BMPR1B: variants seen among roughly 807,000 people sequenced by gnomAD.
BMPR1B encodes the protein bone morphogenetic protein receptor type-1B.
A neutral mutation model predicts 59.1 loss-of-function variants in BMPR1B; 12 were observed. The observed-to-expected ratio is 0.20, with a 90% CI of 0.13 to 0.33. The LOEUF (loss-of-function observed/expected upper bound fraction) is 0.33. Among genes scored for constraint, BMPR1B ranks in the 10% least tolerant of loss-of-function variants. BMPR1B has a pLI of 1.00. For missense variants in BMPR1B, 550 were observed against 610.9 expected (o/e 0.90, Z 1.05); for synonymous variants, 237 against 207.3 (o/e 1.14, Z -1.23).
chr4:95,158,230 T>G lies in BMPR1B; in HGVS notation c.*3557T>G, dbSNP rs889291860. Reference sequence around the variant, plus strand: ...ACAAAACAAAAAAACAATGCCATATTTTTTGGAGAAAAGTTGGCAATATAG... The same window carrying G: ...ACAAAACAAAAAAACAATGCCATATGTTTTGGAGAAAAGTTGGCAATATAG... On this transcript the variant is annotated 3_prime_UTR_variant, in exon 13 of 13. Coordinates refer to ENST00000515059, the MANE Select transcript of BMPR1B (RefSeq NM_001203.3). 1 of 152,196 alleles carries G rather than the reference T, an allele frequency of 6.6e-6. No homozygotes were observed. Among genetic ancestry groups the G allele is most frequent in the Admixed American group, 6.5e-5 (1 of 15,282 alleles). 9.4% of individuals were successfully genotyped at this position (152,196 alleles called of 1,614,324 possible). A position where few individuals can be genotyped will look rare whatever the true frequency, so the allele number is the denominator to read the frequency against.
intron 1 of BMPR1B, among the ~76,000 whole-genome samples, chr4:94,850,852 T>G (rs6854743): frequency 6.6e-6 from 1 of 151,684 alleles, no homozygotes; most frequent in African/African-American, 2.4e-5. Flanking sequence ...GGGTTCTTTT[T>G]GTTTCCTCTT....
At chr4:95,022,261 T>C (rs766265368) in intron 3 of BMPR1B, among the ~76,000 whole-genome samples, 4 of 152,166 alleles carry the variant, frequency 2.6e-5, no homozygotes, top group Non-Finnish European at 5.9e-5. Flanking sequence ...ATATGAAAAC[T>C]CCCCATTTAG....
At chr4:94,949,345 T>C (rs1729842047) in intron 2 of BMPR1B, among the ~76,000 whole-genome samples, 1 of 49,684 alleles carries the variant, frequency 2.0e-5, no homozygotes, top group African/African-American at 1.0e-4. Flanking sequence ...AGTCTCGCTC[T>C]GTCGCCCAGG....
At chr4:94,952,211 T>A (rs1039452804) in intron 2 of BMPR1B, among the ~76,000 whole-genome samples, 3 of 152,210 alleles carry the variant, frequency 2.0e-5, no homozygotes, top group Non-Finnish European at 4.4e-5. Flanking sequence ...AAACACCAGC[T>A]CCTGGATTCA....
At chr4:94,985,508 G>GCT (rs973402280) in intron 2 of BMPR1B, among the ~76,000 whole-genome samples, 1 of 118,600 alleles carries the variant, frequency 8.4e-6, no homozygotes, top group South Asian at 3.0e-4. Context: ...CAAAATAAGA[G>GCT]CTGTGTGTGT....
At chr4:94,950,376 C>T (rs1457447612) in intron 2 of BMPR1B, among the ~76,000 whole-genome samples, 5 of 152,044 alleles carry the variant, frequency 3.3e-5, no homozygotes, top group Admixed American at 6.5e-5. Context: ...TGCCTATGTC[C>T]TGAATGGTAT....
chr4:94,882,814 A>C (rs957825974), intron 2 of BMPR1B, among the ~76,000 whole-genome samples: 6 of 152,138 alleles, frequency 3.9e-5, no homozygotes, highest in Admixed American at 1.3e-4. Context: ...CATGGTTTCA[A>C]ATGTGGGAAT....
chr4:95,086,828 G>A (rs188714107), intron 3 of BMPR1B, among the ~76,000 whole-genome samples: 3 of 152,216 alleles, frequency 2.0e-5, no homozygotes, highest in Admixed American at 2.0e-4. Flanking sequence ...ACACCTGTGT[G>A]TTCTCTTTGC....
chr4:94,873,830 C>T (rs1180792246), intron 1 of BMPR1B, among the ~76,000 whole-genome samples: 1 of 152,206 alleles, frequency 6.6e-6, no homozygotes, highest in Non-Finnish European at 1.5e-5. Context: ...TGCAGTTCAG[C>T]TGTGTTAAGT....
intron 3 of BMPR1B, among the ~76,000 whole-genome samples, chr4:95,034,277 T>C (rs1725074329): frequency 6.6e-6 from 1 of 152,120 alleles, no homozygotes; most frequent in African/African-American, 2.4e-5. Context: ...ATTGGATACA[T>C]GAGATATTTA....
intron 3 of BMPR1B, among the ~76,000 whole-genome samples, chr4:95,066,723 A>G (rs973374344): frequency 6.6e-6 from 1 of 152,184 alleles, no homozygotes; most frequent in Non-Finnish European, 1.5e-5. Context: ...TATAAAAGCA[A>G]ATTATTGGGT....
chr4:95,074,087 C>G lies in BMPR1B; in HGVS notation c.-17-30321C>G, dbSNP rs182913509. ...GACTTTAATTTTGCATTGACTTTTG[C>G]CTTGGTAAGTGTTTTTTTTTTACTG... On this transcript the variant is annotated intron_variant, in intron 3 of 12. Coordinates refer to ENST00000515059, the MANE Select transcript of BMPR1B (RefSeq NM_001203.3). Among the ~76,000 whole-genome samples, 846 of 149,592 alleles carry G rather than the reference C, an allele frequency of 5.7e-3. 10 individuals are homozygous for G. The highest frequency in any genetic ancestry group is 0.02 in the African/African-American group (816 of 41,270).
Position 95,154,657 on chromosome 4 carries a change from A to G in BMPR1B, c.1493A>G (p.Gln498Arg), listed in dbSNP as rs773752951. The G allele has an allele frequency of 4.3e-6, 7 of 1,613,984 alleles. No homozygotes were observed. Among genetic ancestry groups the G allele is most frequent in the Admixed American group, 3.3e-5 (2 of 60,000 alleles). ...ACACTTGCCAAAATGTCAGAGTCCC[A>G]GGACATTAAACTCTGATAGGAGAGG... ...KKTLAKMSES[Q>R]DIKL The change falls in exon 13 of 13, where the codon CAG becomes CGG. Residue 498 changes from glutamine (Q) to arginine (R), a missense_variant. This residue lies in a region of BMPR1B where 123 missense variants were observed against 164.6 expected (regional missense o/e 0.75). Transcript: ENST00000515059.
At chr4:94,856,388 T>A (rs1031181649) in intron 1 of BMPR1B, among the ~76,000 whole-genome samples, 5 of 152,160 alleles carry the variant, frequency 3.3e-5, no homozygotes, top group African/African-American at 1.2e-4. Flanking sequence ...GCTAGCAGCG[T>A]AAGTCATAGA....
chr4:94,952,457 G>T (rs1232108693), intron 2 of BMPR1B, among the ~76,000 whole-genome samples: 1 of 152,120 alleles, frequency 6.6e-6, no homozygotes, highest in Non-Finnish European at 1.5e-5. Flanking sequence ...CTGGTACATT[G>T]TGTCTTCGTT....
chr4:95,102,688 T>G (rs552556393), intron 3 of BMPR1B, among the ~76,000 whole-genome samples: 4 of 152,064 alleles, frequency 2.6e-5, no homozygotes, highest in Non-Finnish European at 5.9e-5. Flanking sequence ...TGGACAAACT[T>G]GGAACAAATG....
At chr4:94,860,267 T>C (rs1310441212) in intron 1 of BMPR1B, among the ~76,000 whole-genome samples, 2 of 152,178 alleles carry the variant, frequency 1.3e-5, no homozygotes, top group African/African-American at 2.4e-5. Flanking sequence ...TTGGATGATA[T>C]ATGCTACAAA....
intron 2 of BMPR1B, among the ~76,000 whole-genome samples, chr4:94,942,275 T>C (rs1024084064): frequency 1.3e-5 from 2 of 152,232 alleles, no homozygotes; most frequent in African/African-American, 4.8e-5. Context: ...TTTGGTCTAT[T>C]AAAGTCGAGG....
intron 3 of BMPR1B, among the ~76,000 whole-genome samples, chr4:95,035,637 A>G (rs904603628): frequency 2.0e-5 from 3 of 152,086 alleles, no homozygotes; most frequent in Non-Finnish European, 2.9e-5. Context: ...CCATTGGTCT[A>G]TGTGCCTGTT....
Sources: allele counts gnomAD v4.1 joint callset (sites outside exome capture counted in the v4.1 genomes callset), GRCh38; gene constraint gnomAD v4.1.1; regional missense constraint gnomAD v4.1.1; transcripts MANE v1.5; gene names NCBI Gene and HGNC (gene_info 2026-07-23, HGNC 2026-07-21).